DACH1: variants seen among roughly 807,000 people sequenced by gnomAD.
DACH1 encodes the protein dachshund homolog 1.
A neutral mutation model predicts 54.2 loss-of-function variants in DACH1; 12 were observed. That is an observed-to-expected ratio of 0.22 (90% CI 0.14 to 0.36). The LOEUF is 0.36. DACH1 is among the 10% of genes least tolerant of loss of function. DACH1 has a pLI of 1.00. For missense variants in DACH1, 805 were observed against 929.8 expected, an observed-to-expected ratio of 0.87 and a Z score of 1.75; for synonymous variants, 386 against 366.2, an observed-to-expected ratio of 1.05 and a Z score of -0.62.
chr13:71,462,103 C>T lies in DACH1; in HGVS notation c.2083+13038G>A, dbSNP rs557895595. On this transcript the variant is annotated intron_variant, in intron 10 of 10. Transcript: ENST00000613252. ...CCAATAATTTGTAGCCATCATTCAT[C>T]GTTTTATAGGTGTAATTAGTAAGCT... Among the ~76,000 whole-genome samples, 18 of 151,822 alleles carry T rather than the reference C, an allele frequency of 1.2e-4. No homozygotes were observed. In the East Asian group the frequency reaches 2.5e-3, roughly 21 times the overall value.
chr13:71,572,764 T>C, intron 4 of DACH1, 76 bp downstream of exon 4: 3 of 1,458,796 alleles, frequency 2.1e-6, no homozygotes, highest in East Asian at 2.3e-5. Flanking sequence ...GATGTACTTA[T>C]GGAATAAGAA....
At chr13:71,823,297 C>T (rs776287571) in intron 1 of DACH1, among the ~76,000 whole-genome samples, 5 of 152,078 alleles carry the variant, frequency 3.3e-5, no homozygotes, top group South Asian at 2.1e-4. Flanking sequence ...AGGAAAGGGT[C>T]AATGTGTTCA....
intron 1 of DACH1, among the ~76,000 whole-genome samples, chr13:71,767,118 A>G (rs1885667665): frequency 6.6e-6 from 1 of 152,028 alleles, no homozygotes; most frequent in Non-Finnish European, 1.5e-5. Context: ...TTAAAACATC[A>G]TATTACTTTG....
At chr13:71,786,508 T>A (rs1886595863) in intron 1 of DACH1, among the ~76,000 whole-genome samples, 3 of 152,164 alleles carry the variant, frequency 2.0e-5, no homozygotes, top group Admixed American at 1.3e-4. Flanking sequence ...CTGTAAGTTG[T>A]ATTAATAATA....
At chr13:71,858,843 A>C (rs1166256780) in intron 1 of DACH1, among the ~76,000 whole-genome samples, 1 of 151,618 alleles carries the variant, frequency 6.6e-6, no homozygotes, top group African/African-American at 2.4e-5. Flanking sequence ...TGTACGGTAC[A>C]TTATTATAGA....
intron 3 of DACH1, among the ~76,000 whole-genome samples, chr13:71,583,669 C>G (rs992920303): frequency 6.6e-6 from 1 of 152,012 alleles, no homozygotes; most frequent in African/African-American, 2.4e-5. Context: ...ATGGGGAAAC[C>G]GTCTCTACAA....
intron 1 of DACH1, chr13:71,846,000 C>A: frequency 5.9e-6 from 1 of 170,834 alleles, no homozygotes; most frequent in Non-Finnish European, 1.3e-5. Context: ...AGGCTGTGGT[C>A]GAAGGCCATT....
chr13:71,668,032 G>A (rs946171690), intron 2 of DACH1, among the ~76,000 whole-genome samples: 1 of 151,756 alleles, frequency 6.6e-6, no homozygotes, highest in African/African-American at 2.4e-5. Context: ...CCAAATAGAG[G>A]GATACATTTG....
chr13:71,808,218 T>C (rs1307437650), intron 1 of DACH1, among the ~76,000 whole-genome samples: 1 of 152,190 alleles, frequency 6.6e-6, no homozygotes, highest in Non-Finnish European at 1.5e-5. Context: ...ATTTTTGGAA[T>C]TAATTTAAAT....
chr13:71,838,830 C>A (rs1011574272), intron 1 of DACH1, among the ~76,000 whole-genome samples: 5 of 152,204 alleles, frequency 3.3e-5, no homozygotes, highest in African/African-American at 1.2e-4. Flanking sequence ...ACTCAATCTG[C>A]GGCTGCATTC....
chr13:71,726,520 A>AT (rs1403144982), intron 1 of DACH1, among the ~76,000 whole-genome samples: 3 of 152,014 alleles, frequency 2.0e-5, no homozygotes, highest in South Asian at 2.1e-4. Flanking sequence ...AAATAAAGTG[A>AT]TTTTTTTGTC....
chr13:71,650,608 C>T (rs1292873859), intron 2 of DACH1, among the ~76,000 whole-genome samples: 1 of 152,116 alleles, frequency 6.6e-6, no homozygotes, highest in Non-Finnish European at 1.5e-5. Flanking sequence ...GAAACACTTT[C>T]TCTCTCTGTG....
At chr13:71,534,324 G>A (rs1882611761) in intron 6 of DACH1, among the ~76,000 whole-genome samples, 2 of 151,592 alleles carry the variant, frequency 1.3e-5, no homozygotes, top group African/African-American at 2.4e-5. Context: ...AACAATAAAA[G>A]GACAAAAATA....
intron 3 of DACH1, among the ~76,000 whole-genome samples, chr13:71,612,076 G>A (rs1396907107): frequency 6.6e-6 from 1 of 152,044 alleles, no homozygotes; most frequent in Non-Finnish European, 1.5e-5. Context: ...AATTTGTTGG[G>A]CAAGGGTAAG....
chr13:71,715,205 GAC>G (rs1882913156), intron 1 of DACH1, among the ~76,000 whole-genome samples: 1 of 152,038 alleles, frequency 6.6e-6, no homozygotes, highest in African/African-American at 2.4e-5. Flanking sequence ...GAATAGTAGA[GAC>G]AAAAGGTCAC....
intron 6 of DACH1, among the ~76,000 whole-genome samples, chr13:71,554,492 TA>T (rs1465909002): frequency 8.5e-5 from 13 of 152,162 alleles, no homozygotes; most frequent in African/African-American, 3.1e-4. Flanking sequence ...AGTGATATAG[TA>T]AGTTTTTATG....
intron 2 of DACH1, among the ~76,000 whole-genome samples, chr13:71,680,337 C>T (rs1880824233): frequency 6.6e-6 from 1 of 152,130 alleles, no homozygotes; most frequent in South Asian, 2.1e-4. Flanking sequence ...TATGGTGGCT[C>T]ATGCCCGTAA....
At chr13:71,502,660 G>A (rs1194205604) in intron 6 of DACH1, among the ~76,000 whole-genome samples, 1 of 152,178 alleles carries the variant, frequency 6.6e-6, no homozygotes, top group Non-Finnish European at 1.5e-5. Context: ...TTAAACCTTG[G>A]ATAATGCAAC....
In DACH1 at chr13:71,447,365, T is replaced by G. The variant is rs1419637948; in HGVS notation, c.2084-6673A>C. 2.6e-5 allele frequency among the ~76,000 whole-genome samples: 4 copies of G among 152,320 alleles called. No homozygotes were observed. The East Asian group carries it at 7.7e-4, about 29-fold the overall frequency. ...TATCTCAAAATTTCTAGTTTTGTAT[T>G]CATGGATTAAGTTTAATGTTTGGTT... is the stretch of plus-strand genomic sequence containing the variant. On this transcript the variant is annotated intron_variant, in intron 10 of 10. Coordinates refer to ENST00000613252, the MANE Select transcript of DACH1 (RefSeq NM_080759.6).
Sources: allele counts gnomAD v4.1 joint callset (sites outside exome capture counted in the v4.1 genomes callset), GRCh38; gene constraint gnomAD v4.1.1; transcripts MANE v1.5; gene names NCBI Gene and HGNC (gene_info 2026-07-23, HGNC 2026-07-21).